Variants in COMMD1 observed in about 807,000 individuals in gnomAD.
COMMD1 encodes COMM domain-containing protein 1.
In COMMD1, 10 loss-of-function variants were observed where a neutral mutation model predicts 17.2. The observed-to-expected ratio is 0.58, with a 90% confidence interval of 0.36 to 0.99. COMMD1 has a LOEUF of 0.99. Among genes scored for constraint, COMMD1 ranks in the 50% least tolerant of loss-of-function variants. The pLI, the probability that COMMD1 is intolerant of heterozygous loss-of-function variation, is 0.01. For missense variants in COMMD1, 270 were observed against 231.8 expected, an observed-to-expected ratio of 1.17 and a Z score of -1.07; for synonymous variants, 97 against 91.6, an observed-to-expected ratio of 1.06 and a Z score of -0.34.
intron 1 of COMMD1, among the ~76,000 whole-genome samples, chr2:61,978,819 GC>G (rs779494861): frequency 6.1e-4 from 93 of 152,224 alleles, no homozygotes; most frequent in Non-Finnish European, 9.3e-4. Flanking sequence ...TAAGACTTGA[GC>G]CAGAAAATTG....
chr2:62,108,678 A>G (rs1573196048), intron 2 of COMMD1, among the ~76,000 whole-genome samples: 1 of 152,104 alleles, frequency 6.6e-6, no homozygotes, highest in Non-Finnish European at 1.5e-5. Flanking sequence ...AAGGAGATTT[A>G]TGTTCTGCTT....
intron 2 of COMMD1, among the ~76,000 whole-genome samples, chr2:62,101,441 T>TATGCCCA (rs1205023687): frequency 1.5e-4 from 23 of 152,090 alleles, no homozygotes; most frequent in Non-Finnish European, 2.9e-4. Context: ...AGACCCCATC[T>TATGCCCA]CTACAAAAAA....
intron 2 of COMMD1, among the ~76,000 whole-genome samples, chr2:62,012,564 C>T (rs1054171664): frequency 6.6e-6 from 1 of 151,884 alleles, no homozygotes; most frequent in Non-Finnish European, 1.5e-5. Context: ...TTGATCCACC[C>T]GCCTGGGCCT....
chr2:61,982,678 G>GT (rs1428179548), intron 1 of COMMD1, among the ~76,000 whole-genome samples: 1 of 151,954 alleles, frequency 6.6e-6, no homozygotes, highest in Admixed American at 6.6e-5. Context: ...TTGTTTGTGT[G>GT]TTTTTTCAGT....
intron 1 of COMMD1, among the ~76,000 whole-genome samples, chr2:61,983,163 T>C (rs1300677917): frequency 6.6e-6 from 1 of 152,036 alleles, no homozygotes; most frequent in Non-Finnish European, 1.5e-5. Flanking sequence ...TGGGCTCTTC[T>C]TTGATGGGAG....
chr2:61,918,397 AACAC>A (rs563258999), intron 1 of COMMD1, among the ~76,000 whole-genome samples: 32 of 152,310 alleles, frequency 2.1e-4, no homozygotes, highest in Non-Finnish European at 4.0e-4. Flanking sequence ...ACTTTTTTAT[AACAC>A]TGGACGTCAT....
chr2:61,943,935 G>A (rs968303919), intron 1 of COMMD1, among the ~76,000 whole-genome samples: 3 of 152,192 alleles, frequency 2.0e-5, no homozygotes, highest in African/African-American at 4.8e-5. Context: ...TCCCTGTAGG[G>A]CTGCTACACG....
At chr2:61,955,054 T>C (rs1671160915) in intron 1 of COMMD1, among the ~76,000 whole-genome samples, 1 of 152,224 alleles carries the variant, frequency 6.6e-6, no homozygotes, top group South Asian at 2.1e-4. Context: ...TTAAGCCCTA[T>C]AAATCACGAG....
intron 2 of COMMD1, among the ~76,000 whole-genome samples, chr2:62,078,935 T>C (rs1391378518): frequency 6.6e-6 from 1 of 152,004 alleles, no homozygotes; most frequent in Non-Finnish European, 1.5e-5. Context: ...GAGGAAGCCT[T>C]CAGGTGGTAG....
intron 2 of COMMD1, among the ~76,000 whole-genome samples, chr2:62,132,061 G>C (rs534368773): frequency 6.6e-6 from 1 of 151,896 alleles, no homozygotes; most frequent in East Asian, 1.9e-4. Flanking sequence ...GCTAATTTTT[G>C]TATTTTTAAT....
At chr2:62,109,693 A>G (rs1407036220) in intron 2 of COMMD1, among the ~76,000 whole-genome samples, 1 of 152,172 alleles carries the variant, frequency 6.6e-6, no homozygotes, top group African/African-American at 2.4e-5. Context: ...CTGGGTCTTC[A>G]TGATCTCCCT....
chr2:62,113,511 G>A (rs1334860093), intron 2 of COMMD1, among the ~76,000 whole-genome samples: 1 of 152,166 alleles, frequency 6.6e-6, no homozygotes, highest in Admixed American at 6.5e-5. Context: ...AGCCTCCTGA[G>A]TAGCTGGGAT....
intron 2 of COMMD1, among the ~76,000 whole-genome samples, chr2:62,004,674 C>A (rs1328427066): frequency 6.6e-6 from 1 of 152,144 alleles, no homozygotes; most frequent in South Asian, 2.1e-4. Flanking sequence ...AATAATAGAA[C>A]CTAGACTGGC....
chr2:62,016,831 G>T (rs1669463989), intron 2 of COMMD1, among the ~76,000 whole-genome samples: 1 of 151,968 alleles, frequency 6.6e-6, no homozygotes, highest in Non-Finnish European at 1.5e-5. Context: ...TCTACTAAGG[G>T]TTCTATAGTT....
intron 1 of COMMD1, among the ~76,000 whole-genome samples, chr2:61,968,732 A>T (rs1032689333): frequency 6.0e-5 from 9 of 151,008 alleles, no homozygotes; most frequent in Middle Eastern, 3.4e-3. Flanking sequence ...CATTTTTTGT[A>T]TTTTTTATAT....
At chr2:62,125,108 T>C (rs1672852583) in intron 2 of COMMD1, among the ~76,000 whole-genome samples, 1 of 152,252 alleles carries the variant, frequency 6.6e-6, no homozygotes, top group Non-Finnish European at 1.5e-5. Flanking sequence ...GGAAAATCAC[T>C]AATTGTCCAG....
At chr2:61,919,856 A>G (rs1262464001) in intron 1 of COMMD1, among the ~76,000 whole-genome samples, 2 of 152,056 alleles carry the variant, frequency 1.3e-5, no homozygotes, top group Admixed American at 6.6e-5. Context: ...ACTGGGTGCA[A>G]TGACGCATGC....
intron 2 of COMMD1, among the ~76,000 whole-genome samples, chr2:62,097,710 A>T (rs745683661): frequency 5.3e-5 from 8 of 152,172 alleles, no homozygotes; most frequent in Non-Finnish European, 7.3e-5. Flanking sequence ...CTATAATAAG[A>T]GAGTTTGAAA....
At chr2:61,985,399 T>C (rs532713919) in intron 1 of COMMD1, among the ~76,000 whole-genome samples, 6 of 152,294 alleles carry the variant, frequency 3.9e-5, no homozygotes, top group African/African-American at 7.2e-5. Context: ...CTACAGATCA[T>C]TGGATCTTGT....
Sources: gnomAD v4.1 joint callset for allele counts (sites outside exome capture counted in the v4.1 genomes callset) on GRCh38, gnomAD v4.1.1 for gene constraint, MANE v1.5 for transcripts, NCBI Gene and HGNC (gene_info 2026-07-23, HGNC 2026-07-21) for gene names.